RBMS2: variants seen among roughly 807,000 people sequenced by gnomAD.
The protein encoded by RBMS2 is RNA binding motif single stranded interacting protein 2.
RBMS2 carries 38 observed loss-of-function variants against 58.4 expected under a neutral mutation model. The observed-to-expected ratio is 0.65, with a 90% confidence interval of 0.50 to 0.85. The LOEUF is 0.85. Among genes scored for constraint, RBMS2 ranks in the 40% least tolerant of loss-of-function variants. The pLI is 0.00. For synonymous variants in RBMS2, 151 were observed against 180.7 expected, an observed-to-expected ratio of 0.84 and a Z score of 1.32; for missense variants, 367 against 503.7, an observed-to-expected ratio of 0.73 and a Z score of 2.60.
At chr12:56,572,705 C>G (rs1214600668) in intron 5 of RBMS2, 1 of 844,606 alleles carries the variant, frequency 1.2e-6, no homozygotes. Context: ...CAGGGTCTTA[C>G]AGGAGTGGGT....
Position 56,574,954 on chromosome 12 carries a change from CTGGCTAACA to C in RBMS2, c.542+3103_542+3111del, listed in dbSNP as rs565943732. The stretch of plus-strand genomic sequence containing the variant: ...ATGAGGTCAGGAGATCGAGATCATC[CTGGCTAACA>C]TGGTGAAACCCCATCTCTACTAAAA... On this transcript the variant is annotated intron_variant, in intron 5 of 13. Transcript: ENST00000262031. 1.5e-3 allele frequency among the ~76,000 whole-genome samples: 231 copies of C among 152,052 alleles called. 3 individuals are homozygous for C. Among genetic ancestry groups the C allele is most frequent in the African/African-American group, 5.4e-3 (222 of 41,464 alleles).
At chr12:56,539,635 T>G in intron 1 of RBMS2, 2 of 445,548 alleles carry the variant, frequency 4.5e-6, no homozygotes, top group Non-Finnish European at 8.9e-6. Context: ...TTATTTTATA[T>G]AATAGACAGT....
rs754781702 is a variant in RBMS2, at chr12:56,595,317, G to A, written c.*6184G>A. 8 of 152,276 alleles carry A rather than the reference G, an allele frequency of 5.3e-5. No individual in the cohort carries two copies. The highest frequency in any genetic ancestry group is 3.4e-3 in the Middle Eastern group (1 of 294). The allele number at this position is 152,276 out of a possible 1,614,324, so 9.4% of individuals were successfully genotyped here. A position where few individuals can be genotyped will look rare whatever the true frequency, so the allele number is the denominator to read the frequency against. On this transcript the variant is annotated 3_prime_UTR_variant, in exon 14 of 14. Coordinates refer to ENST00000262031, the MANE Select transcript of RBMS2 (RefSeq NM_002898.4). ...GGCTGGAGGGTAATACATATCCAGC[G>A]CGAGTGAAGTCCCCACTCCAACATA...
At chr12:56,531,493 A>G (rs1235980108) in intron 1 of RBMS2, among the ~76,000 whole-genome samples, 5 of 152,172 alleles carry the variant, frequency 3.3e-5, no homozygotes, top group South Asian at 4.1e-4. Flanking sequence ...GACCAGCGCC[A>G]GGTGTCTTAG....
intron 7 of RBMS2, 157 bp from the exon 8 acceptor site, chr12:56,581,676 C>A: frequency 3.5e-6 from 4 of 1,136,178 alleles, no homozygotes; most frequent in Non-Finnish European, 3.8e-6. Context: ...TGTGGCTTTG[C>A]GGCCTGCACA....
At chr12:56,531,713 A>C (rs1873762695) in intron 1 of RBMS2, among the ~76,000 whole-genome samples, 2 of 151,412 alleles carry the variant, frequency 1.3e-5, no homozygotes, top group Non-Finnish European at 2.9e-5. Context: ...CTGTAATCCC[A>C]GCTACTTGGA....
intron 5 of RBMS2, among the ~76,000 whole-genome samples, chr12:56,575,593 A>T (rs576362256): frequency 1.8e-4 from 26 of 146,666 alleles, no homozygotes; most frequent in South Asian, 6.6e-4. Flanking sequence ...ATTTTTTTTT[A>T]AATTAAATAC....
chr12:56,529,007 G>A (rs1299710481), intron 1 of RBMS2, among the ~76,000 whole-genome samples: 1 of 152,120 alleles, frequency 6.6e-6, no homozygotes, highest in Non-Finnish European at 1.5e-5. Flanking sequence ...ATGTAAAATG[G>A]TACAGCTGCT....
At chr12:56,574,103 A>G (rs970581265) in intron 5 of RBMS2, among the ~76,000 whole-genome samples, 4 of 152,152 alleles carry the variant, frequency 2.6e-5, no homozygotes, top group African/African-American at 9.7e-5. Context: ...AGCCTCCCAA[A>G]GTGCTAGGAT....
intron 1 of RBMS2, among the ~76,000 whole-genome samples, chr12:56,546,077 A>G (rs1877120093): frequency 6.7e-6 from 1 of 150,018 alleles, no homozygotes; most frequent in South Asian, 2.1e-4. Context: ...TTGGGATTAC[A>G]GGCATGCACC....
chr12:56,549,549 C>T (rs190495763), intron 1 of RBMS2, among the ~76,000 whole-genome samples: 3 of 152,128 alleles, frequency 2.0e-5, no homozygotes, highest in East Asian at 3.9e-4. Context: ...CAGGGGAATT[C>T]GATTTTTCTT....
Position 56,528,745 on chromosome 12 carries a change from T to C in RBMS2, c.66+6656T>C, listed in dbSNP as rs143978242. Among the ~76,000 whole-genome samples, 600 of 152,176 alleles carry C rather than the reference T, an allele frequency of 3.9e-3. 4 individuals carry two copies. The highest frequency in any genetic ancestry group is 0.014 in the African/African-American group (584 of 41,540). ...AGTTAGAGACCAGCCCGGGGCAACATGGTGAAACCCCATCTCTACAAAAAT... is the reference window on the plus strand; with the variant it reads ...AGTTAGAGACCAGCCCGGGGCAACACGGTGAAACCCCATCTCTACAAAAAT... On this transcript the variant is annotated intron_variant, in intron 1 of 13. Transcript: ENST00000262031.
intron 2 of RBMS2, among the ~76,000 whole-genome samples, chr12:56,566,418 G>T (rs1053792605): frequency 2.6e-5 from 4 of 152,118 alleles, no homozygotes; most frequent in African/African-American, 9.7e-5. Flanking sequence ...CTTTTTTCTA[G>T]TGGAACGCTT....
At chr12:56,585,013 G>A (rs930837210) in intron 9 of RBMS2, among the ~76,000 whole-genome samples, 1 of 151,918 alleles carries the variant, frequency 6.6e-6, no homozygotes, top group Non-Finnish European at 1.5e-5. Flanking sequence ...AGTAGAGATG[G>A]GGTTTCTCTG....
At chr12:56,587,407 C>G in intron 10 of RBMS2, 147 bp from the exon 11 acceptor site, 1 of 752,774 alleles carries the variant, frequency 1.3e-6, no homozygotes, top group South Asian at 2.0e-5. Flanking sequence ...AGTTCCTATT[C>G]TTGTTGCATA....
intron 2 of RBMS2, among the ~76,000 whole-genome samples, chr12:56,567,680 T>C (rs1433200164): frequency 6.6e-6 from 1 of 151,774 alleles, no homozygotes; most frequent in African/African-American, 2.4e-5. Flanking sequence ...CTACAAATAA[T>C]TTTTAAAATT....
intron 1 of RBMS2, among the ~76,000 whole-genome samples, chr12:56,527,114 GGA>G (rs1276412710): frequency 1.3e-5 from 2 of 152,170 alleles, no homozygotes; most frequent in African/African-American, 4.8e-5. Context: ...TGTTTACTCA[GGA>G]GAGAGAAGTG....
chr12:56,534,773 C>G (rs1874440029), intron 1 of RBMS2, among the ~76,000 whole-genome samples: 1 of 152,152 alleles, frequency 6.6e-6, no homozygotes, highest in African/African-American at 2.4e-5. Context: ...TCCCGAATAG[C>G]AGGGACTACA....
Position 56,590,596 on chromosome 12 carries a change from A to G in RBMS2, c.*1463A>G, listed in dbSNP as rs1885236018. ...TAAATTTTCACCCCAACCCTGGACA[A>G]ACAGTGCCTTTTGACACTCATGCAA... On this transcript the variant is annotated 3_prime_UTR_variant, in exon 14 of 14. Transcript: ENST00000262031. 6.6e-6 allele frequency: 1 copy of G among 152,218 alleles called. No homozygotes were observed. The highest frequency in any genetic ancestry group is 6.5e-5 in the Admixed American group (1 of 15,276). The allele number at this position is 152,218 out of a possible 1,614,324, so 9.4% of individuals were successfully genotyped here. A position where few individuals can be genotyped will look rare whatever the true frequency, so the allele number is the denominator to read the frequency against.
Sources: allele counts gnomAD v4.1 joint callset (sites outside exome capture counted in the v4.1 genomes callset), GRCh38; gene constraint gnomAD v4.1.1; transcripts MANE v1.5; gene names NCBI Gene and HGNC (gene_info 2026-07-23, HGNC 2026-07-21).